Variants in CHRM3 observed in about 807,000 individuals in gnomAD.
CHRM3 encodes muscarinic acetylcholine receptor M3.
In CHRM3, 11 loss-of-function variants were observed where a neutral mutation model predicts 41.8. The observed-to-expected ratio is 0.26, with a 90% CI of 0.17 to 0.44. The LOEUF (loss-of-function observed/expected upper bound fraction) is 0.44, where lower values mean the gene tolerates loss of function less well. Ranked by LOEUF, CHRM3 falls within the 20% of genes least tolerant of loss-of-function variation. CHRM3 has a pLI of 1.00. For missense variants in CHRM3, 571 were observed against 745.4 expected (o/e 0.77, Z 2.72); for synonymous variants, 297 against 301.4 (o/e 0.99, Z 0.15).
intron 1 of CHRM3, among the ~76,000 whole-genome samples, chr1:239,396,026 C>T (rs1659446029): frequency 6.6e-6 from 1 of 152,178 alleles, no homozygotes; most frequent in Non-Finnish European, 1.5e-5. Context: ...CTTGCTGTTG[C>T]AGGTATCCTC....
At chr1:239,772,515 T>C (rs1481138855) in intron 5 of CHRM3, among the ~76,000 whole-genome samples, 1 of 152,338 alleles carries the variant, frequency 6.6e-6, no homozygotes, top group South Asian at 2.1e-4. Context: ...AGAAAAACGT[T>C]GAAGTAATGA....
rs151219411 is a variant in CHRM3 at position 239,503,458 on chromosome 1, C to T, written c.-422+10651C>T. On this transcript the variant is annotated intron_variant, in intron 2 of 6. Transcript: ENST00000676153. ...TTCCATGCTTATGGATGGCTGGAAT[C>T]AATATTGTGAAAGCAACCATACTGC... Among the ~76,000 whole-genome samples the T allele has an allele frequency of 3.3e-3, 505 of 152,168 alleles. 3 individuals are homozygous for T. Among genetic ancestry groups the T allele is most frequent in the African/African-American group, 0.012 (479 of 41,528 alleles).
intron 6 of CHRM3, among the ~76,000 whole-genome samples, chr1:239,839,452 A>G (rs555736579): frequency 1.4e-4 from 21 of 152,176 alleles, no homozygotes; most frequent in Non-Finnish European, 3.1e-4. Context: ...AAATGAAAGT[A>G]TGGGATATAG....
At chr1:239,472,450 G>A (rs1003197317) in intron 1 of CHRM3, among the ~76,000 whole-genome samples, 1 of 152,160 alleles carries the variant, frequency 6.6e-6, no homozygotes, top group African/African-American at 2.4e-5. Flanking sequence ...CATGTTCATT[G>A]TTAGCAAAAA....
At chr1:239,424,985 G>A (rs924438352) in intron 1 of CHRM3, among the ~76,000 whole-genome samples, 7 of 152,164 alleles carry the variant, frequency 4.6e-5, no homozygotes, top group African/African-American at 1.7e-4. Flanking sequence ...TAATGCATGG[G>A]GGCACAGCCA....
intron 5 of CHRM3, among the ~76,000 whole-genome samples, chr1:239,752,257 G>A (rs1665892184): frequency 6.6e-6 from 1 of 152,162 alleles, no homozygotes; most frequent in Non-Finnish European, 1.5e-5. Flanking sequence ...CATCGTCAGA[G>A]AGCTATTCAT....
intron 5 of CHRM3, among the ~76,000 whole-genome samples, chr1:239,773,807 C>T (rs1667877652): frequency 6.6e-6 from 1 of 152,112 alleles, no homozygotes; most frequent in Admixed American, 6.5e-5. Context: ...TTAAAGGAAT[C>T]TGCATGTTAC....
rs563386785 is a variant in CHRM3, at chr1:239,598,886, G to A, written c.-312-33338G>A. On this transcript the variant is annotated intron_variant, in intron 3 of 6. Coordinates refer to ENST00000676153, the MANE Select transcript of CHRM3 (RefSeq NM_001375978.1). Reference sequence around the variant, plus strand: ...CCAAACCCATGCTGCCATCAAACTTGCACAGAGGCCACCACGCATGGACGC... The same window carrying A: ...CCAAACCCATGCTGCCATCAAACTTACACAGAGGCCACCACGCATGGACGC... Among the ~76,000 whole-genome samples the A allele has an allele frequency of 1.7e-4, 23 of 136,450 alleles. 1 individual carries two copies. Among genetic ancestry groups the A allele is most frequent in the South Asian group, 2.5e-4 (1 of 4,016 alleles). The allele number at this position is 136,450 out of a possible 152,430, so 89.5% of individuals were successfully genotyped here. A position where few individuals can be genotyped will look rare whatever the true frequency, so the allele number is the denominator to read the frequency against.
chr1:239,799,681 T>C (rs540149584), intron 5 of CHRM3, among the ~76,000 whole-genome samples: 51 of 152,318 alleles, frequency 3.3e-4, no homozygotes, highest in African/African-American at 1.2e-3. Context: ...TGACAATTTT[T>C]CATAACAGTG....
chr1:239,886,380 A>G (rs1299317485), intron 6 of CHRM3: 1 of 152,130 alleles, frequency 6.6e-6, no homozygotes, highest in Non-Finnish European at 1.5e-5. Context: ...ACGGATATGG[A>G]TTCTAATTTA....
chr1:239,783,334 C>A (rs1231926960), intron 5 of CHRM3, among the ~76,000 whole-genome samples: 3 of 151,746 alleles, frequency 2.0e-5, no homozygotes, highest in African/African-American at 7.3e-5. Context: ...AAAACATATT[C>A]AATAGTCTTA....
At chr1:239,661,438 A>G (rs1673182016) in intron 4 of CHRM3, among the ~76,000 whole-genome samples, 1 of 152,220 alleles carries the variant, frequency 6.6e-6, no homozygotes, top group Middle Eastern at 3.2e-3. Flanking sequence ...ATAGAATGAA[A>G]TAATAAACAG....
intron 5 of CHRM3, chr1:239,719,035 G>A (rs1662673599): frequency 6.6e-6 from 1 of 151,936 alleles, no homozygotes; most frequent in African/African-American, 2.4e-5. Context: ...TAAGAGAGAG[G>A]TCCAGTGTAG....
chr1:239,890,233 C>T (rs908808548), intron 6 of CHRM3, among the ~76,000 whole-genome samples: 63 of 151,754 alleles, frequency 4.2e-4, no homozygotes, highest in African/African-American at 1.4e-3. Context: ...CCTGGGAGGC[C>T]GAGGTTGCGG....
chr1:239,420,717 G>A (rs1178587910), intron 1 of CHRM3, among the ~76,000 whole-genome samples: 1 of 152,126 alleles, frequency 6.6e-6, no homozygotes, highest in Non-Finnish European at 1.5e-5. Flanking sequence ...AACTATGCCT[G>A]CTTTCCCAGT....
chr1:239,580,171 T>C (rs1662731652), intron 3 of CHRM3, among the ~76,000 whole-genome samples: 1 of 151,910 alleles, frequency 6.6e-6, no homozygotes, highest in African/African-American at 2.4e-5. Flanking sequence ...AATTTGTGAA[T>C]ACAAAGATGA....
At chr1:239,518,384 A>G (rs940875212) in intron 2 of CHRM3, among the ~76,000 whole-genome samples, 1 of 152,192 alleles carries the variant, frequency 6.6e-6, no homozygotes, top group Non-Finnish European at 1.5e-5. Context: ...ATCATTCTCA[A>G]CTTCACAGTT....
chr1:239,787,437 C>G (rs1191809713), intron 5 of CHRM3, among the ~76,000 whole-genome samples: 3 of 151,872 alleles, frequency 2.0e-5, no homozygotes, highest in Non-Finnish European at 2.9e-5. Flanking sequence ...AAGAAGCCAG[C>G]CTGGAGGGAA....
At chr1:239,435,216 C>T (rs1663143190) in intron 1 of CHRM3, among the ~76,000 whole-genome samples, 1 of 152,118 alleles carries the variant, frequency 6.6e-6, no homozygotes, top group Non-Finnish European at 1.5e-5. Flanking sequence ...CTTCGGGAGG[C>T]CAAGGCGGGC....
Sources: allele counts gnomAD v4.1 joint callset (sites outside exome capture counted in the v4.1 genomes callset), GRCh38; gene constraint gnomAD v4.1.1; transcripts MANE v1.5; gene names NCBI Gene and HGNC (gene_info 2026-07-23, HGNC 2026-07-21).